Variants in SEC23A observed in about 807,000 individuals in gnomAD.
SEC23A encodes SEC23 homolog A, COPII component, also known as protein transport protein Sec23A.
In SEC23A, 56 loss-of-function variants were observed where a neutral mutation model predicts 103.7. That is an observed-to-expected ratio of 0.54 (90% CI 0.44 to 0.67). The LOEUF (loss-of-function observed/expected upper bound fraction) is 0.67, where lower values mean the gene tolerates loss of function less well. SEC23A is among the 30% of genes least tolerant of loss of function. The probability of loss-of-function intolerance (pLI) is 0.00; values close to 1 mark genes in which losing one functional copy is unlikely to be tolerated. For missense variants in SEC23A, 784 were observed against 936.4 expected, an observed-to-expected ratio of 0.84 and a Z score of 2.12; for synonymous variants, 281 against 293.0, an observed-to-expected ratio of 0.96 and a Z score of 0.42.
At chr14:39,040,007 T>C (rs1885584052) in intron 18 of SEC23A, 1 of 152,242 alleles carries the variant, frequency 6.6e-6, no homozygotes, top group Non-Finnish European at 1.5e-5. Context: ...TTGCTACCTA[T>C]TTTATAATAC....
At position 39,056,404 on chromosome 14, in the gene SEC23A, A is replaced by G. The variant is rs368928200; in HGVS notation, c.1506-1108T>C. On this transcript the variant is annotated intron_variant, in intron 13 of 19. Transcript: ENST00000307712. ...TGCCTTGGCCTCCCAAAGTGCTGGA[A>G]TAACAGGCGTGAGCCACCACGCCCA... Among the ~76,000 whole-genome samples the G allele has an allele frequency of 5.3e-4, 80 of 152,304 alleles. No homozygotes were observed. The South Asian group carries it at 0.016, about 31-fold the overall frequency.
At chr14:39,043,638 G>A (rs567197010) in intron 16 of SEC23A, among the ~76,000 whole-genome samples, 1 of 152,320 alleles carries the variant, frequency 6.6e-6, no homozygotes, top group East Asian at 1.9e-4. Flanking sequence ...GGGAAAGCCA[G>A]AAGATTGATC....
chr14:39,091,333 AG>A, intron 5 of SEC23A, 143 bp downstream of exon 5: 1 of 651,534 alleles, frequency 1.5e-6, no homozygotes, highest in Non-Finnish European at 2.7e-6. Flanking sequence ...AACTGAAGCC[AG>A]CACTGAATTT....
At chr14:39,102,396 T>A (rs948188042) in intron 1 of SEC23A, among the ~76,000 whole-genome samples, 5 of 152,108 alleles carry the variant, frequency 3.3e-5, no homozygotes, top group African/African-American at 1.2e-4. Context: ...TTGAGGGAGT[T>A]CAAGTGAAAA....
At chr14:39,098,358 CAA>C (rs1315284630) in intron 1 of SEC23A, among the ~76,000 whole-genome samples, 1 of 152,088 alleles carries the variant, frequency 6.6e-6, no homozygotes, top group Non-Finnish European at 1.5e-5. Flanking sequence ...TAAGACTATG[CAA>C]ACCTCTTCCA....
Position 39,096,079 on chromosome 14 carries a change from G to T in SEC23A, c.40C>A (p.Arg14=), listed in dbSNP as rs768559770. ...YLEFIQQNEE[R]DGVRFSWNVW... ...TTCCAACTAAATCGGACTCCATCTC[G>T]TTCTTCATTTTGTTGAATGAATTCC... The change falls in exon 2 of 20, where the codon CGA becomes AGA. Residue 14 remains arginine (R), a synonymous_variant. Coordinates refer to ENST00000307712, the MANE Select transcript of SEC23A (RefSeq NM_006364.4). 2 of 1,613,816 alleles carry T rather than the reference G, an allele frequency of 1.2e-6. No homozygotes were observed. Among genetic ancestry groups the T allele is most frequent in the Admixed American group, 1.7e-5 (1 of 60,006 alleles).
chr14:39,065,990 T>C (rs1324054151), intron 10 of SEC23A, among the ~76,000 whole-genome samples: 2 of 61,460 alleles, frequency 3.3e-5, no homozygotes, highest in African/African-American at 1.6e-4. Context: ...AGAGCGAAAC[T>C]CCATCTCAAA....
intron 18 of SEC23A, 153 bp from the exon 19 acceptor site, chr14:39,039,249 G>A (rs1885558786): frequency 1.5e-6 from 1 of 653,132 alleles, no homozygotes; most frequent in Non-Finnish European, 2.7e-6. Context: ...ACTTTGAAAT[G>A]TATAGGTCAC....
At position 39,085,687 on chromosome 14, in the gene SEC23A, T is replaced by TACACACACACAC. The variant is rs1276785608; in HGVS notation, c.828+74_828+75insGTGTGTGTGTGT. On this transcript the variant is annotated intron_variant, in intron 7 of 19. Coordinates refer to ENST00000307712, the MANE Select transcript of SEC23A (RefSeq NM_006364.4). ...GGTTCTTCTTATCCTTATAATTATATATACACACACACACACACACACACA... is the reference window on the plus strand; with the variant it reads ...GGTTCTTCTTATCCTTATAATTATATACACACACACACATACACACACACACACACACACACA... 3.1e-3 allele frequency: 3,684 copies of TACACACACACAC among 1,177,426 alleles called. 69 individuals are homozygous for TACACACACACAC. In the African/African-American group the frequency reaches 0.044, roughly 14 times the overall value. The allele number at this position is 1,177,426 out of a possible 1,614,324, so 72.9% of individuals were successfully genotyped here.
chr14:39,063,262 AAAGT>A (rs1886539618), intron 12 of SEC23A, 58 bp downstream of exon 12: 4 of 986,316 alleles, frequency 4.1e-6, no homozygotes, highest in South Asian at 3.9e-5. Context: ...TTCATGGCCT[AAAGT>A]AAGTACTTAT....
chr14:39,037,479 C>T (rs1443228741), intron 19 of SEC23A, among the ~76,000 whole-genome samples: 2 of 152,204 alleles, frequency 1.3e-5, no homozygotes, highest in Non-Finnish European at 2.9e-5. Flanking sequence ...CATTCACTGA[C>T]TGTTAACATT....
chr14:39,086,650 C>T (rs1053698464), intron 6 of SEC23A, among the ~76,000 whole-genome samples: 4 of 152,060 alleles, frequency 2.6e-5, no homozygotes, highest in Admixed American at 1.3e-4. Flanking sequence ...AAAACCTTGG[C>T]TGCCCTAAAA....
At chr14:39,092,468 A>C in intron 4 of SEC23A, 73 bp downstream of exon 4, 4 of 910,162 alleles carry the variant, frequency 4.4e-6, no homozygotes, top group Admixed American at 2.1e-5. Flanking sequence ...ATTCCTTCTA[A>C]ATCATCATAA....
chr14:39,083,806 C>A (rs1274193220), intron 7 of SEC23A, among the ~76,000 whole-genome samples: 2 of 151,758 alleles, frequency 1.3e-5, no homozygotes, highest in Non-Finnish European at 2.9e-5. Context: ...CTCAAGAGAT[C>A]CACCCACCTC....
intron 11 of SEC23A, among the ~76,000 whole-genome samples, 181 bp from the exon 12 acceptor site, chr14:39,063,594 CATA>C (rs1344049560): frequency 6.6e-5 from 10 of 151,976 alleles, no homozygotes; most frequent in Middle Eastern, 3.4e-3. Flanking sequence ...AGCATTTTTA[CATA>C]ATAAAAAATA....
At chr14:39,057,067 A>G (rs1262028029) in intron 13 of SEC23A, among the ~76,000 whole-genome samples, 1 of 152,014 alleles carries the variant, frequency 6.6e-6, no homozygotes, top group African/African-American at 2.4e-5. Flanking sequence ...TAATCACAAC[A>G]CTTTGGGAGG....
chr14:39,045,193 C>G lies in SEC23A; in HGVS notation c.1869G>C (p.Leu623=). 1 of 1,613,532 alleles carries G rather than the reference C, an allele frequency of 6.2e-7. No homozygotes were observed. Among genetic ancestry groups the G allele is most frequent in the South Asian group, 1.1e-5 (1 of 91,062 alleles). ...GTGGTCCACTAAAAGAATACGCATA[C>G]AGGATAGGCTGAATCATAATTAGAG... The part of the protein sequence containing the change: ...TQSLIMIQPI[L]YAYSFSGPPE... The change falls in exon 16 of 20, where the codon CTG becomes CTC. Residue 623 remains leucine (L), a synonymous_variant. Coordinates refer to ENST00000307712, the MANE Select transcript of SEC23A (RefSeq NM_006364.4).
chr14:39,055,313 A>G lies in SEC23A; in HGVS notation c.1506-17T>C. Reference sequence around the variant, plus strand: ...TCTGCCCAGCTGAAGACAATAAGAAAGCATAGAAATGCTTCTGAATTATTA... The same window carrying G: ...TCTGCCCAGCTGAAGACAATAAGAAGGCATAGAAATGCTTCTGAATTATTA... On this transcript the variant is annotated splice_polypyrimidine_tract_variant and intron_variant, in intron 13 of 19. Coordinates refer to ENST00000307712, the MANE Select transcript of SEC23A (RefSeq NM_006364.4). 3.1e-6 allele frequency: 5 copies of G among 1,613,650 alleles called. No homozygotes were observed. The highest frequency in any genetic ancestry group is 3.4e-6 in the Non-Finnish European group (4 of 1,179,652).
In SEC23A at chr14:39,073,913, T is replaced by C. The variant is rs151337916; in HGVS notation, c.1103+502A>G. Among the ~76,000 whole-genome samples, 155 of 152,214 alleles carry C rather than the reference T, an allele frequency of 1.0e-3. 1 individual carries two copies. The highest frequency in any genetic ancestry group is 3.4e-3 in the African/African-American group (140 of 41,542). On this transcript the variant is annotated intron_variant, in intron 9 of 19. Transcript: ENST00000307712. ...GTGAGCCACCACACCCAGCCTCTGA[T>C]TTCATTTTATAAAATACCCAGAACA...
Sources: allele counts gnomAD v4.1 joint callset (sites outside exome capture counted in the v4.1 genomes callset), GRCh38; gene constraint gnomAD v4.1.1; transcripts MANE v1.5; gene names NCBI Gene and HGNC (gene_info 2026-07-23, HGNC 2026-07-21).